CDK8: variants seen among roughly 807,000 people sequenced by gnomAD.
CDK8 encodes the protein cyclin-dependent kinase 8.
A neutral mutation model predicts 71.5 loss-of-function variants in CDK8; 29 were observed. The ratio of observed to expected loss-of-function variants is 0.41; its 90% CI spans 0.30 to 0.55. CDK8 has a LOEUF of 0.55. CDK8 is among the 20% of genes least tolerant of loss of function. The pLI, the probability that CDK8 is intolerant of heterozygous loss-of-function variation, is 0.37. For missense variants in CDK8, 288 were observed against 572.6 expected, an observed-to-expected ratio of 0.50 and a Z score of 5.07; for synonymous variants, 161 against 192.1, an observed-to-expected ratio of 0.84 and a Z score of 1.34.
At chr13:26,277,540 G>A (rs1254066868) in intron 1 of CDK8, among the ~76,000 whole-genome samples, 1 of 152,126 alleles carries the variant, frequency 6.6e-6, no homozygotes, top group Non-Finnish European at 1.5e-5. Context: ...TTGGAGAAAG[G>A]CACACAAAAT....
intron 1 of CDK8, among the ~76,000 whole-genome samples, chr13:26,269,205 T>C (rs1412190987): frequency 6.6e-6 from 1 of 152,256 alleles, no homozygotes; most frequent in Non-Finnish European, 1.5e-5. Context: ...AAGAAACTTT[T>C]AAGTACTGCT....
Position 26,404,540 on chromosome 13 carries a change from CGAAAT to C in CDK8, c.*462_*466del, listed in dbSNP as rs778591187. ...ATATGTTAACGAAATAACCAAGACT[CGAAAT>C]GAGATTATTTTGGTACACCTTTCTT... On this transcript the variant is annotated 3_prime_UTR_variant, in exon 13 of 13. Transcript: ENST00000381527. The C allele has an allele frequency of 5.3e-4, 124 of 232,794 alleles. No homozygotes were observed. The highest frequency in any genetic ancestry group is 6.7e-4 in the Admixed American group (12 of 17,830). The allele number at this position is 232,794 out of a possible 1,614,324, so 14.4% of individuals were successfully genotyped here. A position where few individuals can be genotyped will look rare whatever the true frequency, so the allele number is the denominator to read the frequency against.
intron 1 of CDK8, among the ~76,000 whole-genome samples, chr13:26,322,308 A>G (rs1029803718): frequency 7.2e-5 from 11 of 152,168 alleles, no homozygotes; most frequent in African/African-American, 2.7e-4. Flanking sequence ...TAACATTGCT[A>G]CAAGACTTAA....
At chr13:26,389,650 A>G (rs890441629) in intron 6 of CDK8, among the ~76,000 whole-genome samples, 4 of 152,064 alleles carry the variant, frequency 2.6e-5, no homozygotes, top group Admixed American at 6.5e-5. Flanking sequence ...ACTTTCTTCT[A>G]TTGAAACATT....
chr13:26,260,114 T>A (rs1247222246), intron 1 of CDK8, among the ~76,000 whole-genome samples: 1 of 152,192 alleles, frequency 6.6e-6, no homozygotes, highest in Non-Finnish European at 1.5e-5. Flanking sequence ...TTGTATTTTC[T>A]GCAGACCCCA....
rs199698945 is a variant in CDK8 at position 26,391,001 on chromosome 13, TA to T, written c.647-2350del. 9.9e-3 allele frequency among the ~76,000 whole-genome samples: 1,200 copies of T among 121,564 alleles called. 20 individuals carry two copies. Among genetic ancestry groups the T allele is most frequent in the East Asian group, 0.089 (394 of 4,430 alleles). The allele number at this position is 121,564 out of a possible 152,430, so 79.8% of individuals were successfully genotyped here. A position where few individuals can be genotyped will look rare whatever the true frequency, so the allele number is the denominator to read the frequency against. ...GACTTTCCATGAATTGGGCACAATC[TA>T]AAAAAAAAAAAAAAACAAGGTAGGA... is the stretch of plus-strand genomic sequence containing the variant. On this transcript the variant is annotated intron_variant, in intron 6 of 12. Coordinates refer to ENST00000381527, the MANE Select transcript of CDK8 (RefSeq NM_001260.3).
chr13:26,319,394 G>C (rs564992330), intron 1 of CDK8, among the ~76,000 whole-genome samples: 1 of 151,730 alleles, frequency 6.6e-6, no homozygotes, highest in Non-Finnish European at 1.5e-5. Context: ...GCTTGAACTC[G>C]GGAGGCGGAG....
rs1418353379 is a variant in CDK8, at chr13:26,385,229, G to A, written c.533G>A (p.Arg178Gln). The change falls in exon 6 of 13, where the codon CGA (arginine) becomes CAA (glutamine). Residue 178 changes from arginine to glutamine, a missense_variant. Transcript: ENST00000381527. ...TTTACAGCTGACATGGGCTTTGCCC[G>A]ATTATTTAATTCACCTTTGAAGCCT... ...RVKIADMGFA[R>Q]LFNSPLKPLA... is the part of the protein sequence containing the mutation. The A allele has an allele frequency of 1.9e-6, 3 of 1,609,206 alleles. No individual in the cohort carries two copies. Among genetic ancestry groups the A allele is most frequent in the Non-Finnish European group, 2.5e-6 (3 of 1,178,148 alleles).
chr13:26,283,844 G>A (rs1338620263), intron 1 of CDK8, among the ~76,000 whole-genome samples: 2 of 150,782 alleles, frequency 1.3e-5, no homozygotes, highest in African/African-American at 4.9e-5. Context: ...GTTGCAGTGA[G>A]CCGAGATCAT....
At chr13:26,302,688 T>C (rs1873875573) in intron 1 of CDK8, among the ~76,000 whole-genome samples, 1 of 152,160 alleles carries the variant, frequency 6.6e-6, no homozygotes, top group Admixed American at 6.5e-5. Context: ...AGATCATTGT[T>C]ATAGTTTAGG....
rs986144848 is a variant in CDK8, at chr13:26,404,141, C to A, written c.*60C>A. Reference sequence around the variant, plus strand: ...ATGCTGCAGGGCTGACTGTGCAGCTCTCTGCGGGAACCTGGTATGGGCCAT... The same window carrying A: ...ATGCTGCAGGGCTGACTGTGCAGCTATCTGCGGGAACCTGGTATGGGCCAT... On this transcript the variant is annotated 3_prime_UTR_variant, in exon 13 of 13. Coordinates refer to ENST00000381527, the MANE Select transcript of CDK8 (RefSeq NM_001260.3). 6.3e-7 allele frequency: 1 copy of A among 1,589,890 alleles called. No homozygotes were observed. Among genetic ancestry groups the A allele is most frequent in the Non-Finnish European group, 8.6e-7 (1 of 1,164,806 alleles).
chr13:26,356,241 T>A (rs978652231), intron 4 of CDK8, among the ~76,000 whole-genome samples: 1 of 152,214 alleles, frequency 6.6e-6, no homozygotes, highest in Non-Finnish European at 1.5e-5. Context: ...TGCTTTTTAT[T>A]GTCACTATAT....
intron 1 of CDK8, among the ~76,000 whole-genome samples, chr13:26,257,966 T>G (rs1417941979): frequency 2.0e-5 from 3 of 151,576 alleles, no homozygotes; most frequent in African/African-American, 7.3e-5. Context: ...GCACATTTGT[T>G]GAGAGCCCAG....
chr13:26,300,137 A>G (rs1282618082), intron 1 of CDK8, among the ~76,000 whole-genome samples: 1 of 152,150 alleles, frequency 6.6e-6, no homozygotes, highest in African/African-American at 2.4e-5. Context: ...GCCCAGAGTA[A>G]GAGGCATACC....
intron 1 of CDK8, among the ~76,000 whole-genome samples, chr13:26,329,397 A>G (rs1037173586): frequency 6.2e-5 from 9 of 145,092 alleles, no homozygotes. Flanking sequence ...TTCTTAACTT[A>G]TTTTGGACAC....
chr13:26,337,335 A>G (rs1186790125), intron 1 of CDK8, among the ~76,000 whole-genome samples: 2 of 152,180 alleles, frequency 1.3e-5, no homozygotes, highest in Non-Finnish European at 2.9e-5. Flanking sequence ...TTCCACAAGT[A>G]ACTGTGGAAC....
chr13:26,273,957 A>G (rs991943190), intron 1 of CDK8, among the ~76,000 whole-genome samples: 4 of 152,162 alleles, frequency 2.6e-5, no homozygotes, highest in African/African-American at 9.7e-5. Context: ...TGTATATTCC[A>G]TGTCACTAAT....
intron 1 of CDK8, among the ~76,000 whole-genome samples, chr13:26,323,070 T>C (rs1266569938): frequency 5.3e-5 from 8 of 152,284 alleles, no homozygotes; most frequent in African/African-American, 9.6e-5. Flanking sequence ...GCATGGCATA[T>C]TGTCATTGTC....
intron 1 of CDK8, among the ~76,000 whole-genome samples, chr13:26,295,832 A>C (rs930422556): frequency 3.9e-5 from 6 of 152,184 alleles, no homozygotes; most frequent in African/African-American, 1.2e-4. Flanking sequence ...TGACTGTATG[A>C]GGTCTCAATG....
Sources: gnomAD v4.1 joint callset for allele counts (sites outside exome capture counted in the v4.1 genomes callset) on GRCh38, gnomAD v4.1.1 for gene constraint, MANE v1.5 for transcripts, NCBI Gene and HGNC (gene_info 2026-07-23, HGNC 2026-07-21) for gene names.